Variants in RBFOX1 observed in about 807,000 individuals in gnomAD.
RBFOX1 encodes RNA binding fox-1 homolog 1.
In RBFOX1, 8 loss-of-function variants were observed where a neutral mutation model predicts 57.7. The ratio of observed to expected loss-of-function variants is 0.14; its 90% CI spans 0.08 to 0.25. The LOEUF (loss-of-function observed/expected upper bound fraction) is 0.25, where lower values mean the gene tolerates loss of function less well. RBFOX1 is among the 10% of genes least tolerant of loss of function. The pLI, the probability that RBFOX1 is intolerant of heterozygous loss-of-function variation, is 1.00. For missense variants in RBFOX1, 611 were observed against 548.5 expected (o/e 1.11, Z -1.14); for synonymous variants, 326 against 222.4 (o/e 1.47, Z -4.15).
intron 1 of RBFOX1, among the ~76,000 whole-genome samples, chr16:6,078,956 C>T (rs1485863930): frequency 1.3e-5 from 2 of 152,180 alleles, no homozygotes; most frequent in Non-Finnish European, 2.9e-5. Context: ...ATTTATCCTT[C>T]CACAGATAGC....
chr16:7,085,559 A>G (rs957485626), intron 4 of RBFOX1, among the ~76,000 whole-genome samples: 1 of 152,160 alleles, frequency 6.6e-6, no homozygotes, highest in African/African-American at 2.4e-5. Context: ...CGTGTTCAGT[A>G]GAATATTTGT....
chr16:6,817,812 T>A (rs956830387), intron 3 of RBFOX1, among the ~76,000 whole-genome samples: 1 of 152,156 alleles, frequency 6.6e-6, no homozygotes, highest in African/African-American at 2.4e-5. Context: ...TTATTAACTA[T>A]AACTCAAGAA....
At chr16:7,200,150 A>C (rs942520993) in intron 4 of RBFOX1, among the ~76,000 whole-genome samples, 12 of 152,216 alleles carry the variant, frequency 7.9e-5, no homozygotes, top group Non-Finnish European at 1.5e-5. Context: ...CTGGGCTACA[A>C]ATTGGGCCTC....
intron 3 of RBFOX1, among the ~76,000 whole-genome samples, chr16:7,051,686 G>T (rs1363446444): frequency 2.0e-5 from 3 of 152,148 alleles, no homozygotes; most frequent in African/African-American, 7.2e-5. Flanking sequence ...ATCTGGAGTG[G>T]GCCTTTATGG....
At chr16:6,122,218 T>C (rs1405093750) in intron 1 of RBFOX1, among the ~76,000 whole-genome samples, 1 of 152,202 alleles carries the variant, frequency 6.6e-6, no homozygotes, top group Non-Finnish European at 1.5e-5. Context: ...TTTTGTTATT[T>C]TTTAATGTTT....
Position 5,667,303 on chromosome 16 carries a change from C to T in RBFOX1, c.318+68342C>T, listed in dbSNP as rs568242480. On this transcript the variant is annotated intron_variant, in intron 3 of 19. Transcript: ENST00000641259. ...ATTTGCCCTTTCTTATTTTCTAATA[C>T]GTACATGTAAGGCTATACATTTTCC... is the stretch of plus-strand genomic sequence containing the variant. 2.0e-4 allele frequency among the ~76,000 whole-genome samples: 31 copies of T among 152,330 alleles called. No individual in the cohort carries two copies. The East Asian group carries it at 4.0e-3, about 20-fold the overall frequency.
chr16:7,213,424 C>G (rs2091502813), intron 4 of RBFOX1, among the ~76,000 whole-genome samples: 1 of 152,130 alleles, frequency 6.6e-6, no homozygotes, highest in South Asian at 2.1e-4. Context: ...GAACCATTGC[C>G]TGACATTAAA....
intron 1 of RBFOX1, 77 bp from the exon 2 acceptor site, chr16:6,316,918 C>T (rs2081187398): frequency 9.5e-6 from 12 of 1,266,164 alleles, no homozygotes; most frequent in Middle Eastern, 3.7e-4. Flanking sequence ...GTCCATATTA[C>T]TATGACAAAA....
At chr16:5,897,571 T>C (rs940815967) in intron 4 of RBFOX1, among the ~76,000 whole-genome samples, 1 of 152,304 alleles carries the variant, frequency 6.6e-6, no homozygotes, top group South Asian at 2.1e-4. Flanking sequence ...CTCCACTTAA[T>C]ATAAAAGAGA....
intron 3 of RBFOX1, among the ~76,000 whole-genome samples, chr16:5,850,025 G>C (rs1363474902): frequency 6.6e-6 from 1 of 152,156 alleles, no homozygotes; most frequent in Non-Finnish European, 1.5e-5. Context: ...TTTTGATTAA[G>C]TTTTGAAACA....
At chr16:6,692,665 G>A (rs147717368) in intron 3 of RBFOX1, among the ~76,000 whole-genome samples, 1 of 151,290 alleles carries the variant, frequency 6.6e-6, no homozygotes, top group Non-Finnish European at 1.5e-5. Context: ...TCTTCCACCT[G>A]AATGTGTTTC....
chr16:6,998,225 A>G (rs905146693), intron 3 of RBFOX1, among the ~76,000 whole-genome samples: 1 of 152,192 alleles, frequency 6.6e-6, no homozygotes, highest in Non-Finnish European at 1.5e-5. Flanking sequence ...AAGCATTTAT[A>G]TATTCAAATA....
At chr16:6,639,652 G>A (rs922466171) in intron 2 of RBFOX1, among the ~76,000 whole-genome samples, 13 of 152,210 alleles carry the variant, frequency 8.5e-5, no homozygotes, top group South Asian at 2.1e-4. Context: ...CGAGGCGGGC[G>A]GATCACGACG....
At chr16:6,865,973 C>A (rs1473956024) in intron 3 of RBFOX1, among the ~76,000 whole-genome samples, 3 of 151,754 alleles carry the variant, frequency 2.0e-5, no homozygotes, top group African/African-American at 7.3e-5. Context: ...ATAAGAAATG[C>A]ATTGAAAAAA....
At chr16:6,034,915 C>A (rs926986756) in intron 1 of RBFOX1, among the ~76,000 whole-genome samples, 2 of 141,712 alleles carry the variant, frequency 1.4e-5, no homozygotes, top group Non-Finnish European at 3.1e-5. Context: ...ACACTCAGGG[C>A]CTCTAGGCTT....
Position 7,616,467 on chromosome 16 carries a change from G to C in RBFOX1, c.676+9129G>C, listed in dbSNP as rs1349278167. On this transcript the variant is annotated intron_variant, in intron 10 of 15. Coordinates refer to ENST00000550418, the MANE Select transcript of RBFOX1 (RefSeq NM_018723.4). The stretch of plus-strand genomic sequence containing the variant: ...CTCTCAAACCTCAGCCCATGCTATG[G>C]AGGTGTGAGGAACAGGAATTCACCA... Among the ~76,000 whole-genome samples the C allele has an allele frequency of 3.3e-5, 5 of 152,344 alleles. No individual in the cohort carries two copies. The East Asian group carries it at 9.6e-4, about 29-fold the overall frequency.
chr16:5,837,431 T>G (rs919085025), intron 3 of RBFOX1, among the ~76,000 whole-genome samples: 1 of 152,060 alleles, frequency 6.6e-6, no homozygotes, highest in Non-Finnish European at 1.5e-5. Flanking sequence ...GACTCAGACA[T>G]GGGCTTTCTG....
At chr16:6,002,337 A>T (rs962657720) in intron 4 of RBFOX1, among the ~76,000 whole-genome samples, 1 of 152,172 alleles carries the variant, frequency 6.6e-6, no homozygotes, top group African/African-American at 2.4e-5. Flanking sequence ...ATTTGCTCTC[A>T]AGAACTGAGG....
At chr16:5,792,913 C>T (rs1261778794) in intron 3 of RBFOX1, among the ~76,000 whole-genome samples, 1 of 151,858 alleles carries the variant, frequency 6.6e-6, no homozygotes, top group African/African-American at 2.4e-5. Flanking sequence ...TTTTAAAGGT[C>T]TTCATTCTCA....
Sources: allele counts gnomAD v4.1 joint callset (sites outside exome capture counted in the v4.1 genomes callset), GRCh38; gene constraint gnomAD v4.1.1; transcripts MANE v1.5; gene names NCBI Gene and HGNC (gene_info 2026-07-23, HGNC 2026-07-21).